Variants in CNTN6 observed in about 807,000 individuals in gnomAD.
The protein encoded by CNTN6 is contactin 6.
A neutral mutation model predicts 122.8 loss-of-function variants in CNTN6; 137 were observed. The ratio of observed to expected loss-of-function variants is 1.12; its 90% CI spans 0.97 to 1.29. The LOEUF (loss-of-function observed/expected upper bound fraction) is 1.29, where lower values mean the gene tolerates loss of function less well. Ranked by LOEUF, CNTN6 falls within the 50% of genes most tolerant of loss-of-function variation. The pLI, the probability that CNTN6 is intolerant of heterozygous loss-of-function variation, is 0.00. For missense variants in CNTN6, 1,634 were observed against 1,223.4 expected, an observed-to-expected ratio of 1.34 and a Z score of -5.01; for synonymous variants, 570 against 426.0, an observed-to-expected ratio of 1.34 and a Z score of -4.16.
At chr3:1,318,480 C>G (rs1293060244) in intron 7 of CNTN6, among the ~76,000 whole-genome samples, 2 of 151,714 alleles carry the variant, frequency 1.3e-5, no homozygotes, top group African/African-American at 4.8e-5. Context: ...GCTGGGAATT[C>G]TAATTAATTG....
chr3:1,235,320 AAACT>A (rs2094407442), intron 4 of CNTN6, among the ~76,000 whole-genome samples: 1 of 152,158 alleles, frequency 6.6e-6, no homozygotes, highest in Admixed American at 6.5e-5. Context: ...GTTATTTGAC[AAACT>A]GTTTCAAGGA....
chr3:1,331,048 A>T (rs1702219716), intron 11 of CNTN6, among the ~76,000 whole-genome samples: 1 of 151,852 alleles, frequency 6.6e-6, no homozygotes, highest in Non-Finnish European at 1.5e-5. Context: ...TAATCCCAAG[A>T]TTTCATTTGT....
intron 4 of CNTN6, among the ~76,000 whole-genome samples, chr3:1,270,286 A>G (rs2095002183): frequency 6.6e-6 from 1 of 152,240 alleles, no homozygotes; most frequent in Admixed American, 6.5e-5. Context: ...AGCAACATGA[A>G]CAATTTTGGT....
At chr3:1,129,913 C>T (rs563149569) in intron 1 of CNTN6, among the ~76,000 whole-genome samples, 66 of 152,060 alleles carry the variant, frequency 4.3e-4, no homozygotes, top group Non-Finnish European at 7.7e-4. Flanking sequence ...AACAGTTTTT[C>T]AAGACTTTTA....
At chr3:1,233,198 G>A (rs538574908) in intron 4 of CNTN6, among the ~76,000 whole-genome samples, 9 of 152,224 alleles carry the variant, frequency 5.9e-5, no homozygotes, top group South Asian at 2.1e-4. Context: ...CACTGTGTAC[G>A]GTGTTAATTT....
chr3:1,356,082 C>T (rs1056401409), intron 12 of CNTN6, among the ~76,000 whole-genome samples: 16 of 151,684 alleles, frequency 1.1e-4, no homozygotes, highest in African/African-American at 3.9e-4. Context: ...AGAGAGTTTA[C>T]GTGTTTTCAT....
chr3:1,402,210 TACA>T (rs1253144624), intron 21 of CNTN6, 105 bp from the exon 22 acceptor site: 1 of 751,062 alleles, frequency 1.3e-6, no homozygotes, highest in Middle Eastern at 4.3e-4. Context: ...ATCTGAGGAG[TACA>T]ACATTTATGA....
chr3:1,308,160 C>T (rs1167098090), intron 7 of CNTN6, among the ~76,000 whole-genome samples: 4 of 151,986 alleles, frequency 2.6e-5, no homozygotes, highest in Non-Finnish European at 5.9e-5. Context: ...TTATTTTAGA[C>T]TTTGGGTTGT....
At chr3:1,258,567 T>C (rs1227482052) in intron 4 of CNTN6, among the ~76,000 whole-genome samples, 1 of 152,084 alleles carries the variant, frequency 6.6e-6, no homozygotes, top group Non-Finnish European at 1.5e-5. Context: ...TGGAATACCT[T>C]TAATAAAAAA....
At chr3:1,221,011 C>T (rs953859238) in intron 3 of CNTN6, among the ~76,000 whole-genome samples, 198 bp downstream of exon 3, 5 of 152,102 alleles carry the variant, frequency 3.3e-5, no homozygotes, top group African/African-American at 9.7e-5. Context: ...TCCCTCATGC[C>T]GCTTTCCAGG....
At chr3:1,266,902 T>C (rs1045185384) in intron 4 of CNTN6, among the ~76,000 whole-genome samples, 2 of 150,726 alleles carry the variant, frequency 1.3e-5, no homozygotes, top group African/African-American at 4.9e-5. Context: ...AGTGAGCTTC[T>C]GGCCAGACTC....
chr3:1,202,397 G>A lies in CNTN6; in HGVS notation c.56-18290G>A, dbSNP rs543987681. On this transcript the variant is annotated intron_variant, in intron 2 of 22. Coordinates refer to ENST00000446702, the MANE Select transcript of CNTN6 (RefSeq NM_001289080.2). Reference sequence around the variant, plus strand: ...CTACTAAAAATACAAGAAATCAGCCGGGCGTGGTGGCGGGCGCCTGTAGTC... The same window carrying A: ...CTACTAAAAATACAAGAAATCAGCCAGGCGTGGTGGCGGGCGCCTGTAGTC... Among the ~76,000 whole-genome samples the A allele has an allele frequency of 4.0e-3, 596 of 149,780 alleles. 8 individuals are homozygous for A. The highest frequency in any genetic ancestry group is 0.013 in the African/African-American group (545 of 40,908).
intron 4 of CNTN6, among the ~76,000 whole-genome samples, chr3:1,245,105 A>G (rs1439719863): frequency 2.8e-5 from 4 of 144,866 alleles, no homozygotes; most frequent in African/African-American, 7.7e-5. Context: ...AAATCTTTGC[A>G]CACACGTGTT....
intron 1 of CNTN6, among the ~76,000 whole-genome samples, chr3:1,111,745 C>T (rs975801260): frequency 6.6e-5 from 10 of 151,960 alleles, no homozygotes; most frequent in African/African-American, 1.5e-4. Context: ...GGGTTTCCAG[C>T]GGATGTTGTG....
chr3:1,226,788 C>T (rs1336145426), intron 3 of CNTN6, among the ~76,000 whole-genome samples: 5 of 151,934 alleles, frequency 3.3e-5, no homozygotes, highest in African/African-American at 1.2e-4. Context: ...ATTAATCTTC[C>T]TTTCCTTTTA....
chr3:1,205,993 C>T (rs1328330626), intron 2 of CNTN6, among the ~76,000 whole-genome samples: 3 of 152,156 alleles, frequency 2.0e-5, no homozygotes, highest in South Asian at 2.1e-4. Context: ...AAGTCATTTG[C>T]ATTCTTAATA....
intron 11 of CNTN6, among the ~76,000 whole-genome samples, chr3:1,336,718 G>C (rs1181067860): frequency 6.6e-6 from 1 of 151,840 alleles, no homozygotes; most frequent in Admixed American, 6.6e-5. Flanking sequence ...AGGTGAATTG[G>C]AGTCTTATTC....
At chr3:1,200,673 A>T (rs2093850498) in intron 2 of CNTN6, among the ~76,000 whole-genome samples, 1 of 152,166 alleles carries the variant, frequency 6.6e-6, no homozygotes, top group Admixed American at 6.5e-5. Flanking sequence ...CATGTTTTCC[A>T]AATTGTAAAT....
intron 4 of CNTN6, among the ~76,000 whole-genome samples, chr3:1,256,715 T>C (rs185652553): frequency 6.6e-6 from 1 of 152,274 alleles, no homozygotes; most frequent in East Asian, 1.9e-4. Flanking sequence ...CATCAGGGAA[T>C]ATAAATAGAT....
Sources: allele counts gnomAD v4.1 joint callset (sites outside exome capture counted in the v4.1 genomes callset), GRCh38; gene constraint gnomAD v4.1.1; transcripts MANE v1.5; gene names NCBI Gene and HGNC (gene_info 2026-07-23, HGNC 2026-07-21).